The following PTPRD variants were observed in gnomAD, a reference collection of about 807,000 sequenced individuals.
PTPRD encodes protein tyrosine phosphatase receptor type D, also known as receptor-type tyrosine-protein phosphatase delta.
Under a neutral mutation model 214.5 loss-of-function variants are expected in PTPRD, and 34 were observed. The ratio of observed to expected loss-of-function variants is 0.16; its 90% CI spans 0.12 to 0.21. The LOEUF (loss-of-function observed/expected upper bound fraction) is 0.21. Among genes scored for constraint, PTPRD ranks in the 10% least tolerant of loss-of-function variants. PTPRD has a pLI of 1.00. For synonymous variants in PTPRD, 1,128 were observed against 845.7 expected, an observed-to-expected ratio of 1.33 and a Z score of -5.79; for missense variants, 2,545 against 2,398.7, an observed-to-expected ratio of 1.06 and a Z score of -1.27.
At chr9:10,074,349 G>A (rs1379101277) in intron 3 of PTPRD, among the ~76,000 whole-genome samples, 3 of 152,048 alleles carry the variant, frequency 2.0e-5, no homozygotes, top group Admixed American at 6.6e-5. Flanking sequence ...CAAATCCAAA[G>A]CCACTGCCAT....
At chr9:9,521,610 G>T (rs1170170280) in intron 8 of PTPRD, among the ~76,000 whole-genome samples, 1 of 152,086 alleles carries the variant, frequency 6.6e-6, no homozygotes, top group Non-Finnish European at 1.5e-5. Context: ...CTGAACAGGG[G>T]AGGCGCTCTA....
At chr9:9,928,308 A>C (rs1332972925) in intron 5 of PTPRD, among the ~76,000 whole-genome samples, 1 of 152,104 alleles carries the variant, frequency 6.6e-6, no homozygotes, top group African/African-American at 2.4e-5. Flanking sequence ...TTCATACCAC[A>C]TTATTTTGTG....
At chr9:9,410,999 T>C (rs757244109) in intron 8 of PTPRD, among the ~76,000 whole-genome samples, 2 of 152,116 alleles carry the variant, frequency 1.3e-5, no homozygotes, top group African/African-American at 2.4e-5. Context: ...AGGCCAAATA[T>C]ACATGTTTGC....
chr9:8,954,535 G>GA (rs56130108), intron 11 of PTPRD, among the ~76,000 whole-genome samples: 67,223 of 149,770 alleles, frequency 0.45, 16,098 homozygotes, highest in Non-Finnish European at 0.55. Flanking sequence ...GGTAAACATG[G>GA]AAAAAAAAAG....
chr9:8,496,448 C>A (rs1308373724), intron 26 of PTPRD, among the ~76,000 whole-genome samples: 1 of 152,160 alleles, frequency 6.6e-6, no homozygotes. Flanking sequence ...AGAATGTAAA[C>A]ACTAGAAAGG....
intron 2 of PTPRD, among the ~76,000 whole-genome samples, chr9:10,355,871 T>G (rs2097267907): frequency 6.6e-6 from 1 of 152,150 alleles, no homozygotes; most frequent in African/African-American, 2.4e-5. Flanking sequence ...GTATGCGAAT[T>G]TGAGATGTTA....
At chr9:9,515,338 A>C (rs988165230) in intron 8 of PTPRD, among the ~76,000 whole-genome samples, 10 of 152,120 alleles carry the variant, frequency 6.6e-5, no homozygotes, top group Non-Finnish European at 1.3e-4. Context: ...GATTTTAAAA[A>C]CACCTGGCTA....
At chr9:9,408,159 A>G (rs567645321) in intron 8 of PTPRD, among the ~76,000 whole-genome samples, 2 of 151,912 alleles carry the variant, frequency 1.3e-5, no homozygotes, top group African/African-American at 4.8e-5. Context: ...TTGAATCATT[A>G]CTGATGCTTC....
At chr9:10,077,151 T>C (rs1384101905) in intron 3 of PTPRD, among the ~76,000 whole-genome samples, 2 of 152,196 alleles carry the variant, frequency 1.3e-5, no homozygotes, top group Non-Finnish European at 2.9e-5. Flanking sequence ...TAAAATGTTA[T>C]GTAACAATTA....
At chr9:8,784,404 T>G (rs908523665) in intron 11 of PTPRD, among the ~76,000 whole-genome samples, 15 of 152,232 alleles carry the variant, frequency 9.9e-5, no homozygotes, top group African/African-American at 3.4e-4. Flanking sequence ...AGGCAGATAT[T>G]TTCATTGCTT....
chr9:9,613,135 C>CATATATATAT lies in PTPRD; in HGVS notation c.-286-38364_-286-38355dup, dbSNP rs67735335. On this transcript the variant is annotated intron_variant, in intron 7 of 45. Transcript: ENST00000381196. The stretch of plus-strand genomic sequence containing the variant: ...AGCTAGGCTGCAGTATACATACATA[C>CATATATATAT]ATATATATATATATATATATATATA... Among the ~76,000 whole-genome samples, 310 of 47,674 alleles carry CATATATATAT rather than the reference C, an allele frequency of 6.5e-3. 15 individuals carry two copies. The highest frequency in any genetic ancestry group is 0.019 in the African/African-American group (221 of 11,398). The allele number at this position is 47,674 out of a possible 152,430, so 31.3% of individuals were successfully genotyped here.
chr9:9,388,648 A>T lies in PTPRD; in HGVS notation c.-203+8801T>A, dbSNP rs547436315. ...TTTATGAAGAAACATGACTAAAAAA[A>T]CAGATTGTACCAGGAAAGTTTTAAA... On this transcript the variant is annotated intron_variant, in intron 9 of 45. Transcript: ENST00000381196. Among the ~76,000 whole-genome samples the T allele has an allele frequency of 1.7e-3, 258 of 152,292 alleles. 2 individuals are homozygous for T. Among genetic ancestry groups the T allele is most frequent in the African/African-American group, 5.9e-3 (246 of 41,558 alleles).
chr9:10,203,931 T>C (rs1389773567), intron 3 of PTPRD, among the ~76,000 whole-genome samples: 2 of 152,196 alleles, frequency 1.3e-5, no homozygotes, highest in African/African-American at 4.8e-5. Context: ...CTAAATCCTA[T>C]CATCATTTCT....
At chr9:9,419,005 T>C (rs2077824704) in intron 8 of PTPRD, among the ~76,000 whole-genome samples, 1 of 151,764 alleles carries the variant, frequency 6.6e-6, no homozygotes, top group African/African-American at 2.4e-5. Context: ...TCATCAGGGC[T>C]TAATTTTGCA....
chr9:9,642,042 T>C (rs377119665), intron 7 of PTPRD, among the ~76,000 whole-genome samples: 4 of 145,138 alleles, frequency 2.8e-5, no homozygotes, highest in African/African-American at 1.1e-4. Context: ...TAGACTGGAT[T>C]AAGAAAATGT....
At chr9:8,446,401 A>C (rs2095727273) in intron 34 of PTPRD, among the ~76,000 whole-genome samples, 1 of 152,240 alleles carries the variant, frequency 6.6e-6, no homozygotes, top group Non-Finnish European at 1.5e-5. Context: ...TTATAGAATC[A>C]CTGAACTAAG....
intron 9 of PTPRD, among the ~76,000 whole-genome samples, chr9:9,374,108 G>A (rs2060197829): frequency 6.6e-6 from 1 of 151,780 alleles, no homozygotes; most frequent in African/African-American, 2.4e-5. Flanking sequence ...ATAAAAATGT[G>A]CATCTAAATA....
At chr9:9,577,914 T>G (rs2089468478) in intron 7 of PTPRD, among the ~76,000 whole-genome samples, 1 of 151,502 alleles carries the variant, frequency 6.6e-6, no homozygotes. Flanking sequence ...GGTATGGTAG[T>G]GCACACCTGT....
intron 7 of PTPRD, among the ~76,000 whole-genome samples, chr9:9,728,302 T>A (rs2154438454): frequency 6.6e-6 from 1 of 152,338 alleles, no homozygotes; most frequent in East Asian, 1.9e-4. Flanking sequence ...AGGCTATTAG[T>A]GATTGACACA....
Sources: allele counts gnomAD v4.1 joint callset (sites outside exome capture counted in the v4.1 genomes callset), GRCh38; gene constraint gnomAD v4.1.1; transcripts MANE v1.5; gene names NCBI Gene and HGNC (gene_info 2026-07-23, HGNC 2026-07-21).